Variants in ADAMTS15 observed in about 807,000 individuals in gnomAD.
ADAMTS15 encodes the protein A disintegrin and metalloproteinase with thrombospondin motifs 15.
In ADAMTS15, 35 loss-of-function variants were observed where a neutral mutation model predicts 79.1. The ratio of observed to expected loss-of-function variants is 0.44; its 90% CI spans 0.34 to 0.59. The LOEUF is 0.59. ADAMTS15 is among the 20% of genes least tolerant of loss of function. The probability of loss-of-function intolerance (pLI) is 0.02; values close to 1 mark genes in which losing one functional copy is unlikely to be tolerated. For synonymous variants in ADAMTS15, 616 were observed against 567.3 expected (o/e 1.09, Z -1.22); for missense variants, 1,324 against 1,318.7 (o/e 1.00, Z -0.06).
chr11:130,470,803 T>A, intron 5 of ADAMTS15, 117 bp from the exon 6 acceptor site: 2 of 1,167,730 alleles, frequency 1.7e-6, no homozygotes, highest in Non-Finnish European at 2.4e-6. Context: ...GGTTGCAGCT[T>A]TGGTGATGAG....
intron 4 of ADAMTS15, among the ~76,000 whole-genome samples, chr11:130,465,494 T>G (rs1042707247): frequency 6.6e-6 from 1 of 152,198 alleles, no homozygotes; most frequent in Non-Finnish European, 1.5e-5. Flanking sequence ...TGATCCCACT[T>G]CCTCTGTGGT....
rs189899923 is a variant in ADAMTS15 at position 130,472,374 on chromosome 11, G to T, written c.2079-673G>T. On this transcript the variant is annotated intron_variant, in intron 7 of 7. Coordinates refer to ENST00000299164, the MANE Select transcript of ADAMTS15 (RefSeq NM_139055.4). This position sits in a 1 kb window ranked among gnomAD's most constrained non-coding sequence, Gnocchi z 4.7. ...TCCAGGCTGTGCTTTGCAGGGACCT[G>T]TGGTGGCAAGGCCACGTGGGGAGTG... is the stretch of plus-strand genomic sequence containing the variant. 6.6e-6 allele frequency among the ~76,000 whole-genome samples: 1 copy of T among 152,228 alleles called. No homozygotes were observed. Among genetic ancestry groups the T allele is most frequent in the Non-Finnish European group, 1.5e-5 (1 of 68,044 alleles).
Position 130,449,939 on chromosome 11 carries a change from A to C in ADAMTS15, c.957+9A>C, listed in dbSNP as rs1250160127. 6.3e-7 allele frequency: 1 copy of C among 1,596,422 alleles called. No homozygotes were observed. The highest frequency in any genetic ancestry group is 1.1e-5 in the South Asian group (1 of 90,960). The stretch of plus-strand genomic sequence containing the variant: ...TCCTCTTCACCAGGCAGGTGAGTTG[A>C]TCTGCCGTCACTTTGCACCCAGATA... On this transcript the variant is annotated intron_variant, in intron 1 of 7. Coordinates refer to ENST00000299164, the MANE Select transcript of ADAMTS15 (RefSeq NM_139055.4). The surrounding 1 kb of genome is among the most constrained non-coding windows in gnomAD (Gnocchi z 7.8).
In ADAMTS15 at chr11:130,473,679, C is replaced by A; in HGVS notation, c.2711C>A (p.Pro904His). ...CPTWELSAWS[P>H]CSKSCGRGFQ... is the part of the protein sequence containing the mutation. ...ACCTGGGAGCTCAGCGCCTGGTCAC[C>A]CTGCTCCAAGAGCTGCGGCCGGGGA... The change falls in exon 8 of 8, where the codon CCC (proline) becomes CAC (histidine). Residue 904 changes from proline to histidine, a missense_variant. Physicochemically the swap from Pro to His is moderately conservative, Grantham distance 77. Transcript: ENST00000299164. 1 of 1,604,422 alleles carries A rather than the reference C, an allele frequency of 6.2e-7. No individual in the cohort carries two copies. The highest frequency in any genetic ancestry group is 8.5e-7 in the Non-Finnish European group (1 of 1,179,892).
At chr11:130,467,164 G>A (rs1227683956) in intron 4 of ADAMTS15, among the ~76,000 whole-genome samples, 1 of 152,192 alleles carries the variant, frequency 6.6e-6, no homozygotes, top group Non-Finnish European at 1.5e-5. Flanking sequence ...AGGTAGCATT[G>A]TCTCAGCAGC....
At chr11:130,466,124 C>T (rs550474217) in intron 4 of ADAMTS15, among the ~76,000 whole-genome samples, 30 of 152,302 alleles carry the variant, frequency 2.0e-4, no homozygotes, top group Non-Finnish European at 3.2e-4. Flanking sequence ...CTGCTCACCT[C>T]GGCCTCCCAA....
chr11:130,462,952 C>A lies in ADAMTS15; in HGVS notation c.1542+172C>A, dbSNP rs1184442664. Among the ~76,000 whole-genome samples the A allele has an allele frequency of 6.6e-6, 1 of 151,972 alleles. No individual in the cohort carries two copies. The highest frequency in any genetic ancestry group is 1.5e-5 in the Non-Finnish European group (1 of 68,028). ...TCACTGCCCTGTATATAGTCCTATCCCCTTCTTGACTCTAAGACCGGAGAG... is the reference window on the plus strand; with the variant it reads ...TCACTGCCCTGTATATAGTCCTATCACCTTCTTGACTCTAAGACCGGAGAG... On this transcript the variant is annotated intron_variant, in intron 4 of 7. Transcript: ENST00000299164. This position sits in a 1 kb window ranked among gnomAD's most constrained non-coding sequence, Gnocchi z 4.3.
rs1455512146 is a variant in ADAMTS15 at position 130,471,238 on chromosome 11, T to C, written c.1933T>C (p.Ser645Pro). The C allele has an allele frequency of 1.9e-6, 3 of 1,608,342 alleles. No homozygotes were observed. The highest frequency in any genetic ancestry group is 1.3e-5 in the African/African-American group (1 of 74,658). ...GGACGGCACGCTGTGCTCTCCTGACTCCACCTCCGTCTGTGTCCAAGGCAA... is the reference window on the plus strand; with the variant it reads ...GGACGGCACGCTGTGCTCTCCTGACCCCACCTCCGTCTGTGTCCAAGGCAA... ...VVDGTLCSPDSTSVCVQGKCI... is the reference protein window; with the variant it reads ...VVDGTLCSPDPTSVCVQGKCI... Residue 645 changes from serine (S) to proline (P), a missense_variant, in exon 7 of 8, where the codon TCC becomes CCC. Transcript: ENST00000299164.
chr11:130,467,242 T>C (rs181697994), intron 4 of ADAMTS15, among the ~76,000 whole-genome samples: 32 of 152,260 alleles, frequency 2.1e-4, no homozygotes, highest in African/African-American at 7.5e-4. Context: ...TCTTTCAGTC[T>C]TCTGATGGCC....
intron 7 of ADAMTS15, among the ~76,000 whole-genome samples, chr11:130,471,594 A>G (rs1353445222): frequency 6.6e-6 from 1 of 152,112 alleles, no homozygotes; most frequent in Non-Finnish European, 1.5e-5. Flanking sequence ...TTCAGCAAGC[A>G]AAGACGAATG....
chr11:130,469,300 C>T lies in ADAMTS15; in HGVS notation c.1581C>T (p.Pro527=). ...GGGCCAAATGGGATCCCTATGGCCC[C>T]TGCTCGCGCACATGTGGTGGGGGCG... ...GSWAKWDPYG[P]CSRTCGGGVQ... is the part of the protein sequence containing the mutation. The change falls in exon 5 of 8, where the codon CCC becomes CCT. Residue 527 remains proline, a synonymous_variant. Transcript: ENST00000299164. 2.9e-6 allele frequency: 4 copies of T among 1,402,514 alleles called. No homozygotes were observed. Among genetic ancestry groups the T allele is most frequent in the Non-Finnish European group, 3.7e-6 (4 of 1,073,442 alleles). 86.9% of individuals were successfully genotyped at this position (1,402,514 alleles called of 1,614,324 possible). A position where few individuals can be genotyped will look rare whatever the true frequency, so the allele number is the denominator to read the frequency against.
rs1565397687 is a variant in ADAMTS15 at position 130,470,162 on chromosome 11, A to ATATATATGTG, written c.1720+730_1720+731insGTGTATATAT. ...TATATATATATATATGTGTATATAT[A>ATATATATGTG]TATATATATATATATATATGTGTGT... On this transcript the variant is annotated intron_variant, in intron 5 of 7. Transcript: ENST00000299164. Among the ~76,000 whole-genome samples the ATATATATGTG allele has an allele frequency of 8.8e-5, 5 of 56,576 alleles. No individual in the cohort carries two copies. The East Asian group carries it at 1.1e-3, about 12-fold the overall frequency. 37.1% of individuals were successfully genotyped at this position (56,576 alleles called of 152,430 possible).
At position 130,471,100 on chromosome 11, in the gene ADAMTS15, A is replaced by G; in HGVS notation, c.1901A>G (p.Lys634Arg). 1 of 1,612,162 alleles carries G rather than the reference A, an allele frequency of 6.2e-7. No homozygotes were observed. Among genetic ancestry groups the G allele is most frequent in the Non-Finnish European group, 8.5e-7 (1 of 1,178,936 alleles). The change falls in exon 6 of 8, where the codon AAG becomes AGG. Residue 634 changes from lysine to arginine, a missense_variant and splice_region_variant. Physicochemically the swap from Lys to Arg is conservative, Grantham distance 26 (BLOSUM62 2). Coordinates refer to ENST00000299164, the MANE Select transcript of ADAMTS15 (RefSeq NM_139055.4). ...GTGYFYVLAP[K>R]VVDGTLCSPD... ...GGCTACTTCTATGTGCTGGCACCCA[A>G]GGTGAGTGAGCCTGGGGCCTGAGAA... is the stretch of plus-strand genomic sequence containing the variant.
chr11:130,458,988 C>T (rs1938144908), intron 1 of ADAMTS15, among the ~76,000 whole-genome samples: 1 of 151,808 alleles, frequency 6.6e-6, no homozygotes, highest in Admixed American at 6.6e-5. Flanking sequence ...TGTCACATTC[C>T]CTAAACTGCT....
rs1307714008 is a variant in ADAMTS15, at chr11:130,470,945, G to A, written c.1746G>A (p.Glu582=). Residue 582 remains glutamate (E), a synonymous_variant, in exon 6 of 8, where the codon GAG becomes GAA. Transcript: ENST00000299164. ...CCTCCGGAAAGAGCTTCCGGGAGGA[G>A]CAGTGTGAGGCTTTCAACGGCTACA... The part of the protein sequence containing the change: ...SSASGKSFRE[E]QCEAFNGYNH... 6 of 1,613,628 alleles carry A rather than the reference G, an allele frequency of 3.7e-6. No homozygotes were observed. The highest frequency in any genetic ancestry group is 5.1e-6 in the Non-Finnish European group (6 of 1,180,006).
chr11:130,456,870 C>T (rs753538825), intron 1 of ADAMTS15, among the ~76,000 whole-genome samples: 1 of 152,152 alleles, frequency 6.6e-6, no homozygotes, highest in Non-Finnish European at 1.5e-5. Context: ...CTCTGGCTCT[C>T]CTGCCTAGAA....
Position 130,472,236 on chromosome 11 carries a change from G to T in ADAMTS15, c.2079-811G>T, listed in dbSNP as rs1938474126. On this transcript the variant is annotated intron_variant, in intron 7 of 7. Transcript: ENST00000299164. The surrounding 1 kb of genome is among the most constrained non-coding windows in gnomAD (Gnocchi z 4.7). ...GAAAGGCCTAGATGGCTGTCCTGGA[G>T]CCTTGACTGTGCCCCTGGACACGTC... 1.3e-5 allele frequency among the ~76,000 whole-genome samples: 2 copies of T among 152,214 alleles called. No homozygotes were observed. Among genetic ancestry groups the T allele is most frequent in the Non-Finnish European group, 2.9e-5 (2 of 68,026 alleles).
Position 130,461,478 on chromosome 11 carries a change from C to T in ADAMTS15, c.958-11C>T. 1.9e-6 allele frequency: 3 copies of T among 1,614,028 alleles called. No homozygotes were observed. Among genetic ancestry groups the T allele is most frequent in the Admixed American group, 1.7e-5 (1 of 60,018 alleles). On this transcript the variant is annotated splice_polypyrimidine_tract_variant and intron_variant, in intron 1 of 7. Coordinates refer to ENST00000299164, the MANE Select transcript of ADAMTS15 (RefSeq NM_139055.4). ...CTTCGGGCTGGCTTCTGCTTCTCCC[C>T]CACCCGGCAGGACCTGTGTGGAGCC...
chr11:130,469,344 A>G lies in ADAMTS15; in HGVS notation c.1625A>G (p.Gln542Arg). Residue 542 changes from glutamine to arginine, a missense_variant, in exon 5 of 8, where the codon CAG becomes CGG. Physicochemically the swap from Gln to Arg is conservative, Grantham distance 43. Coordinates refer to ENST00000299164, the MANE Select transcript of ADAMTS15 (RefSeq NM_139055.4). ...CGGGVQLARR[Q>R]CTNPTPANGG... ...GGGGGCGTGCAGCTGGCCAGGAGGC[A>G]GTGCACCAACCCCACCCCTGCCAAC... 7.3e-7 allele frequency: 1 copy of G among 1,367,466 alleles called. No individual in the cohort carries two copies. Among genetic ancestry groups the G allele is most frequent in the Non-Finnish European group, 9.5e-7 (1 of 1,052,338 alleles). 84.7% of individuals were successfully genotyped at this position (1,367,466 alleles called of 1,614,324 possible). A position where few individuals can be genotyped will look rare whatever the true frequency, so the allele number is the denominator to read the frequency against.
Sources: gnomAD v4.1 joint callset for allele counts (sites outside exome capture counted in the v4.1 genomes callset) on GRCh38, gnomAD v4.1.1 for gene constraint, Gnocchi (gnomAD v3.1) non-coding constraint, MANE v1.5 for transcripts, NCBI Gene and HGNC (gene_info 2026-07-23, HGNC 2026-07-21) for gene names.